Variants in STPG1 observed in about 807,000 individuals in gnomAD.
STPG1 encodes the protein O(6)-methylguanine-induced apoptosis 2.
A neutral mutation model predicts 40.1 loss-of-function variants in STPG1; 33 were observed. The ratio of observed to expected loss-of-function variants is 0.82; its 90% CI spans 0.62 to 1.10. STPG1 has a LOEUF of 1.10. STPG1 is among the 50% of genes least tolerant of loss of function. The probability of loss-of-function intolerance (pLI) is 0.00; values close to 1 mark genes in which losing one functional copy is unlikely to be tolerated. For missense variants in STPG1, 396 were observed against 415.1 expected (o/e 0.95, Z 0.40); for synonymous variants, 150 against 155.0 (o/e 0.97, Z 0.24).
At chr1:24,375,370 T>C (rs1641973452) in intron 5 of STPG1, among the ~76,000 whole-genome samples, 1 of 152,156 alleles carries the variant, frequency 6.6e-6, no homozygotes, top group East Asian at 1.9e-4. Flanking sequence ...TGATTTGCTG[T>C]GATACTCCTT....
chr1:24,388,339 C>T (rs1642604647), intron 3 of STPG1, among the ~76,000 whole-genome samples: 1 of 152,182 alleles, frequency 6.6e-6, no homozygotes, highest in South Asian at 2.1e-4. Flanking sequence ...TGCTCTGCCA[C>T]ATAGATCAGG....
Position 24,379,735 on chromosome 1 carries a change from C to T in STPG1, c.380G>A (p.Ser127Asn), listed in dbSNP as rs1642195316. The change falls in exon 5 of 9, where the codon AGT (serine) becomes AAT (asparagine). Residue 127 changes from serine to asparagine, a missense_variant. Ser to Asn is a conservative substitution (Grantham distance 46). Transcript: ENST00000337248. ...PSDFISKRDFSNSCSSMFQLP... is the reference protein window; with the variant it reads ...PSDFISKRDFNNSCSSMFQLP... ...CTGGAACATGCTGGAACACGAATTACTAAAGTCTCTCTTGGAAATAAAATC... is the reference window on the plus strand; with the variant it reads ...CTGGAACATGCTGGAACACGAATTATTAAAGTCTCTCTTGGAAATAAAATC... 1 of 1,614,062 alleles carries T rather than the reference C, an allele frequency of 6.2e-7. No individual in the cohort carries two copies. Among genetic ancestry groups the T allele is most frequent in the African/African-American group, 1.3e-5 (1 of 74,916 alleles).
intron 2 of STPG1, among the ~76,000 whole-genome samples, chr1:24,398,020 A>G (rs1406694914): frequency 6.6e-6 from 1 of 152,124 alleles, no homozygotes; most frequent in East Asian, 1.9e-4. Flanking sequence ...ACTATTTTTC[A>G]TAGTCGTTGT....
intron 6 of STPG1, among the ~76,000 whole-genome samples, chr1:24,371,634 AAAG>A (rs1447913477): frequency 2.0e-5 from 3 of 152,078 alleles, no homozygotes; most frequent in Admixed American, 6.5e-5. Context: ...TTAAATTTTT[AAAG>A]AAGCAGATGT....
chr1:24,391,876 T>A (rs1016372147), intron 2 of STPG1, 197 bp from the exon 3 acceptor site: 4 of 1,319,220 alleles, frequency 3.0e-6, no homozygotes, highest in Non-Finnish European at 2.9e-6. Flanking sequence ...TTTATCGGAC[T>A]TCCCCCCTCC....
chr1:24,367,317 G>C (rs1432138622), intron 7 of STPG1, among the ~76,000 whole-genome samples: 1 of 152,164 alleles, frequency 6.6e-6, no homozygotes, highest in Non-Finnish European at 1.5e-5. Context: ...TTGAGCAAAA[G>C]CCAGAAGATA....
rs1484892357 is a variant in STPG1, at chr1:24,358,344, G to A, written c.*199C>T. On this transcript the variant is annotated 3_prime_UTR_variant, in exon 9 of 9. Transcript: ENST00000337248. The stretch of plus-strand genomic sequence containing the variant: ...CTGGAGTCTGTGGGGCTGGGGTGAA[G>A]TCTCCAGGGAGCAATGTCTCCAGCT... 2 of 696,722 alleles carry A rather than the reference G, an allele frequency of 2.9e-6. No individual in the cohort carries two copies. The highest frequency in any genetic ancestry group is 5.4e-5 in the East Asian group (2 of 36,774). The allele number at this position is 696,722 out of a possible 1,614,324, so 43.2% of individuals were successfully genotyped here. A position where few individuals can be genotyped will look rare whatever the true frequency, so the allele number is the denominator to read the frequency against.
chr1:24,359,850 G>A lies in STPG1; in HGVS notation c.928+1001C>T, dbSNP rs1052989370. On this transcript the variant is annotated intron_variant, in intron 8 of 8. Transcript: ENST00000337248. The surrounding 1 kb of genome is among the most constrained non-coding windows in gnomAD (Gnocchi z 5.3). ...AGCTACAAATAGGTCAGGAAGCACA[G>A]AGGCCGCCCACTGGACTGAGTCCCT... 1.3e-5 allele frequency among the ~76,000 whole-genome samples: 2 copies of A among 152,234 alleles called. No individual in the cohort carries two copies. The highest frequency in any genetic ancestry group is 2.4e-5 in the African/African-American group (1 of 41,468).
intron 7 of STPG1, among the ~76,000 whole-genome samples, chr1:24,366,810 T>C (rs1255323051): frequency 6.6e-6 from 1 of 151,992 alleles, no homozygotes; most frequent in Non-Finnish European, 1.5e-5. Context: ...GCTATACAAA[T>C]GTCGTGCTAT....
chr1:24,413,041 G>GT, intron 1 of STPG1, among the ~76,000 whole-genome samples: 1 of 152,214 alleles, frequency 6.6e-6, no homozygotes, highest in Non-Finnish European at 1.5e-5. Flanking sequence ...GTCCTGAGTA[G>GT]TTTCGTCTGT....
intron 1 of STPG1, chr1:24,411,660 C>G (rs979667054): frequency 2.0e-5 from 3 of 152,152 alleles, no homozygotes; most frequent in African/African-American, 7.2e-5. Context: ...CCAGGATGGT[C>G]TCGAAATCCT....
intron 8 of STPG1, among the ~76,000 whole-genome samples, chr1:24,360,347 G>T (rs1462348716): frequency 6.6e-6 from 1 of 152,166 alleles, no homozygotes; most frequent in African/African-American, 2.4e-5. Flanking sequence ...TACTTGGGAG[G>T]CTGAGGCATG....
intron 1 of STPG1, among the ~76,000 whole-genome samples, chr1:24,412,295 C>T (rs1351627674): frequency 6.6e-6 from 1 of 152,194 alleles, no homozygotes; most frequent in Non-Finnish European, 1.5e-5. Context: ...TGGGGAGCTC[C>T]TTTCCTCACC....
At chr1:24,364,594 G>A (rs1641334610) in intron 7 of STPG1, 1 of 681,640 alleles carries the variant, frequency 1.5e-6, no homozygotes, top group African/African-American at 1.9e-5. Flanking sequence ...GAAGTGCAGA[G>A]AAAAGCAGAG....
At chr1:24,401,243 T>C in intron 2 of STPG1, 76 bp downstream of exon 2, 1 of 1,316,034 alleles carries the variant, frequency 7.6e-7, no homozygotes, top group Non-Finnish European at 1.1e-6. Flanking sequence ...GACTTACTAT[T>C]CCCCCCAAAT....
intron 2 of STPG1, among the ~76,000 whole-genome samples, chr1:24,392,651 T>G (rs1346259655): frequency 6.6e-6 from 1 of 152,232 alleles, no homozygotes; most frequent in African/African-American, 2.4e-5. Context: ...GCTGTGCTGC[T>G]GTCCTCAGAA....
chr1:24,399,841 C>T lies in STPG1; in HGVS notation c.70+1478G>A, dbSNP rs968017729. On this transcript the variant is annotated intron_variant, in intron 2 of 8. Transcript: ENST00000337248. This position sits in a 1 kb window ranked among gnomAD's most constrained non-coding sequence, Gnocchi z 4.0. Reference sequence around the variant, plus strand: ...AAAAAGTGCTCAATCTCATTGATCTCAGGCAATGCAAATTAAAACTATTAT... The same window carrying T: ...AAAAAGTGCTCAATCTCATTGATCTTAGGCAATGCAAATTAAAACTATTAT... Among the ~76,000 whole-genome samples, 1 of 152,170 alleles carries T rather than the reference C, an allele frequency of 6.6e-6. No homozygotes were observed. Among genetic ancestry groups the T allele is most frequent in the Non-Finnish European group, 1.5e-5 (1 of 68,018 alleles).
chr1:24,383,480 A>G (rs1338904108), intron 4 of STPG1, among the ~76,000 whole-genome samples: 1 of 152,230 alleles, frequency 6.6e-6, no homozygotes, highest in African/African-American at 2.4e-5. Flanking sequence ...TTTCAGGCCC[A>G]CTGCCGGCTT....
At chr1:24,409,856 G>A (rs1449864425) in intron 1 of STPG1, among the ~76,000 whole-genome samples, 1 of 152,212 alleles carries the variant, frequency 6.6e-6, no homozygotes, top group East Asian at 1.9e-4. Context: ...AAGCACAAGA[G>A]TAGTGATGCC....
Sources: gnomAD v4.1 joint callset for allele counts (sites outside exome capture counted in the v4.1 genomes callset) on GRCh38, gnomAD v4.1.1 for gene constraint, Gnocchi (gnomAD v3.1) non-coding constraint, MANE v1.5 for transcripts, NCBI Gene and HGNC (gene_info 2026-07-23, HGNC 2026-07-21) for gene names.